The following FBXO3 variants were observed in gnomAD, a reference collection of about 807,000 sequenced individuals.
The protein encoded by FBXO3 is F-box only protein 3.
FBXO3 carries 17 observed loss-of-function variants against 64.8 expected under a neutral mutation model. The observed-to-expected ratio is 0.26, with a 90% CI of 0.18 to 0.39. FBXO3 has a LOEUF of 0.39. FBXO3 is among the 10% of genes least tolerant of loss of function. The probability of loss-of-function intolerance (pLI) is 1.00; values close to 1 mark genes in which losing one functional copy is unlikely to be tolerated. For missense variants in FBXO3, 420 were observed against 589.9 expected, an observed-to-expected ratio of 0.71 and a Z score of 2.98; for synonymous variants, 182 against 201.6, an observed-to-expected ratio of 0.90 and a Z score of 0.82.
At chr11:33,764,500 G>A (rs1467217079) in intron 3 of FBXO3, among the ~76,000 whole-genome samples, 5 of 152,064 alleles carry the variant, frequency 3.3e-5, no homozygotes, top group Admixed American at 3.3e-4. Context: ...GTGACAGCAT[G>A]TACCGCTGGA....
intron 1 of FBXO3, chr11:33,773,364 A>C (rs973866104): frequency 6.6e-6 from 1 of 152,296 alleles, no homozygotes; most frequent in Non-Finnish European, 1.5e-5. Context: ...ATCACCACTT[A>C]GCTAGGCCAA....
In FBXO3 at chr11:33,751,664, T is replaced by C. The variant is rs1458431714; in HGVS notation, c.725-57A>G. 8.8e-6 allele frequency: 9 copies of C among 1,018,592 alleles called. No individual in the cohort carries two copies. The East Asian group carries it at 2.0e-4, about 22-fold the overall frequency. The allele number at this position is 1,018,592 out of a possible 1,614,324, so 63.1% of individuals were successfully genotyped here. On this transcript the variant is annotated intron_variant, in intron 6 of 10. Coordinates refer to ENST00000265651, the MANE Select transcript of FBXO3 (RefSeq NM_012175.4). ...AGAACAAATAGTTTTGTAAAATCTA[T>C]ACAGGAAACAATTGTAATTCCTCTA... is the stretch of plus-strand genomic sequence containing the variant.
At chr11:33,750,777 G>T in intron 7 of FBXO3, 116 bp from the exon 8 acceptor site, 1 of 941,314 alleles carries the variant, frequency 1.1e-6, no homozygotes, top group Non-Finnish European at 1.6e-6. Context: ...ACCCAGAAAA[G>T]TTCAATAATA....
chr11:33,752,240 A>G (rs1854979775), intron 6 of FBXO3, among the ~76,000 whole-genome samples: 1 of 152,230 alleles, frequency 6.6e-6, no homozygotes, highest in Non-Finnish European at 1.5e-5. Context: ...TCTAGTCCAG[A>G]CCATATATCT....
intron 9 of FBXO3, 70 bp from the exon 10 acceptor site, chr11:33,747,390 G>T: frequency 8.0e-7 from 1 of 1,243,810 alleles, no homozygotes; most frequent in Non-Finnish European, 1.2e-6. Context: ...ATAAGGTATG[G>T]TCTCCATGGC....
At chr11:33,769,069 A>G in intron 2 of FBXO3, 55 bp from the exon 3 acceptor site, 1 of 1,406,046 alleles carries the variant, frequency 7.1e-7, no homozygotes, top group Non-Finnish European at 9.8e-7. Context: ...ATTAGCATTT[A>G]TTTTAGATAC....
intron 4 of FBXO3, among the ~76,000 whole-genome samples, chr11:33,756,483 T>C (rs1250279389): frequency 6.6e-6 from 1 of 152,204 alleles, no homozygotes; most frequent in African/African-American, 2.4e-5. Flanking sequence ...GCAATACAGG[T>C]ATCAAGGTAT....
Position 33,758,545 on chromosome 11 carries a change from G to A in FBXO3, c.415C>T (p.Pro139Ser). 1.2e-6 allele frequency: 2 copies of A among 1,609,464 alleles called. No individual in the cohort carries two copies. Among genetic ancestry groups the A allele is most frequent in the Non-Finnish European group, 1.7e-6 (2 of 1,176,690 alleles). ...CGGTATGAACATCGATAATCGTCAG[G>A]AAGCTTGCAGCCAATCTGCGCTTCC... ...AVEAQIGCKL[P>S]DDYRCSYRIH... The change falls in exon 4 of 11, where the codon CCT becomes TCT. Residue 139 changes from proline to serine, a missense_variant. Pro to Ser is a moderately conservative substitution (Grantham distance 74). Coordinates refer to ENST00000265651, the MANE Select transcript of FBXO3 (RefSeq NM_012175.4).
Position 33,774,514 on chromosome 11 carries a change from C to T in FBXO3, c.-17G>A, listed in dbSNP as rs763078724. 2.0e-6 allele frequency: 3 copies of T among 1,482,168 alleles called. No individual in the cohort carries two copies. The Admixed American group carries it at 6.8e-5, about 34-fold the overall frequency. The allele number at this position is 1,482,168 out of a possible 1,614,324, so 91.8% of individuals were successfully genotyped here. A position where few individuals can be genotyped will look rare whatever the true frequency, so the allele number is the denominator to read the frequency against. On this transcript the variant is annotated 5_prime_UTR_variant, in exon 1 of 11. Coordinates refer to ENST00000265651, the MANE Select transcript of FBXO3 (RefSeq NM_012175.4). ...GGCCGCCATCTTGCCTGGCCCGGTG[C>T]AGGTCTGGCCCCGCCCTGGCCCCGC...
At chr11:33,771,689 T>C (rs745652689) in intron 1 of FBXO3, 12 of 152,240 alleles carry the variant, frequency 7.9e-5, no homozygotes, top group Non-Finnish European at 1.6e-4. Context: ...AAAAACCATC[T>C]ATAGTAAACA....
intron 3 of FBXO3, among the ~76,000 whole-genome samples, chr11:33,765,580 A>G (rs942348389): frequency 1.3e-5 from 2 of 152,234 alleles, no homozygotes; most frequent in African/African-American, 4.8e-5. Flanking sequence ...CAGAAAGACT[A>G]GAGTTAATCT....
At chr11:33,752,523 A>C (rs1414481180) in intron 6 of FBXO3, among the ~76,000 whole-genome samples, 1 of 152,178 alleles carries the variant, frequency 6.6e-6, no homozygotes, top group Non-Finnish European at 1.5e-5. Context: ...GGGAATGATA[A>C]AAGATACAAT....
At chr11:33,754,553 AT>A in intron 5 of FBXO3, 53 bp from the exon 6 acceptor site, 1 of 1,476,244 alleles carries the variant, frequency 6.8e-7, no homozygotes, top group Non-Finnish European at 9.2e-7. Context: ...TTAATTTTTC[AT>A]TGTTCATTAT....
At chr11:33,746,513 G>A in intron 10 of FBXO3, 1 of 555,230 alleles carries the variant, frequency 1.8e-6, no homozygotes, top group Non-Finnish European at 3.2e-6. Context: ...ATTTTCCAAA[G>A]ATTCAACACC....
Position 33,745,586 on chromosome 11 carries a change from G to C in FBXO3, c.1239+1544C>G, listed in dbSNP as rs569317291. ...TTAACACATTTCTAGAAAAGTCATA[G>C]ATCAAAATTAAATTACAAGGGAAAT... On this transcript the variant is annotated intron_variant, in intron 10 of 10. Transcript: ENST00000265651. The C allele has an allele frequency of 1.2e-4, 19 of 152,068 alleles. No homozygotes were observed. The South Asian group carries it at 3.9e-3, about 32-fold the overall frequency. The allele number at this position is 152,068 out of a possible 1,614,324, so 9.4% of individuals were successfully genotyped here. A position where few individuals can be genotyped will look rare whatever the true frequency, so the allele number is the denominator to read the frequency against.
chr11:33,768,783 T>C (rs897290856), intron 3 of FBXO3, 68 bp downstream of exon 3: 35 of 1,559,724 alleles, frequency 2.2e-5, no homozygotes, highest in African/African-American at 4.1e-5. Flanking sequence ...AGATTCAAAG[T>C]TGTTTAAACT....
At chr11:33,770,708 GT>G (rs1187981199) in intron 2 of FBXO3, 32 bp downstream of exon 2, 1 of 1,559,092 alleles carries the variant, frequency 6.4e-7, no homozygotes. Context: ...CCAAGGGCCA[GT>G]TTTCAGAAGT....
Position 33,743,104 on chromosome 11 carries a change from G to C in FBXO3, c.1240-1020C>G, listed in dbSNP as rs1056009169. 2.0e-5 allele frequency: 3 copies of C among 152,162 alleles called. No individual in the cohort carries two copies. The highest frequency in any genetic ancestry group is 4.4e-5 in the Non-Finnish European group (3 of 68,062). 9.4% of individuals were successfully genotyped at this position (152,162 alleles called of 1,614,324 possible). On this transcript the variant is annotated intron_variant, in intron 10 of 10. Coordinates refer to ENST00000265651, the MANE Select transcript of FBXO3 (RefSeq NM_012175.4). This position sits in a 1 kb window ranked among gnomAD's most constrained non-coding sequence, Gnocchi z 4.6. ...TTCATGGTAGCTGGACTTCTTACAT[G>C]GTGGCTCAGGGTGTCAAAGACACAT...
rs201975557 is a variant in FBXO3, at chr11:33,755,994, C to T, written c.474-19G>A. On this transcript the variant is annotated intron_variant, in intron 4 of 10. Transcript: ENST00000265651. ...CAATAACCTGAGGAGCATACAGACT[C>T]AAACATGTAATACACGGCAGTGCCA... is the stretch of plus-strand genomic sequence containing the variant. 8 of 1,606,000 alleles carry T rather than the reference C, an allele frequency of 5.0e-6. No individual in the cohort carries two copies. In the Admixed American group the frequency reaches 1.3e-4, roughly 27 times the overall value.
Sources: allele counts gnomAD v4.1 joint callset (sites outside exome capture counted in the v4.1 genomes callset), GRCh38; gene constraint gnomAD v4.1.1; non-coding constraint Gnocchi (gnomAD v3.1); transcripts MANE v1.5; gene names NCBI Gene and HGNC (gene_info 2026-07-23, HGNC 2026-07-21).